Variants in RASSF3 observed in about 807,000 individuals in gnomAD.
The protein encoded by RASSF3 is ras association domain-containing protein 3.
RASSF3 carries 19 observed loss-of-function variants against 19.9 expected under a neutral mutation model. The ratio of observed to expected loss-of-function variants is 0.96; its 90% CI spans 0.67 to 1.40. RASSF3 has a LOEUF of 1.40. RASSF3 is among the 40% of genes most tolerant of loss of function. The probability of loss-of-function intolerance (pLI) is 0.00; values close to 1 mark genes in which losing one functional copy is unlikely to be tolerated. For synonymous variants in RASSF3, 110 were observed against 104.2 expected, an observed-to-expected ratio of 1.06 and a Z score of -0.34; for missense variants, 306 against 289.8, an observed-to-expected ratio of 1.06 and a Z score of -0.41.
intron 1 of RASSF3, among the ~76,000 whole-genome samples, chr12:64,538,837 A>G (rs1352941859): frequency 2.0e-5 from 3 of 152,044 alleles, no homozygotes; most frequent in African/African-American, 4.8e-5. Context: ...TGAAGTCAGG[A>G]GTTTGAGACC....
At chr12:64,665,430 AT>A (rs1872513655) in intron 1 of RASSF3, among the ~76,000 whole-genome samples, 1 of 152,104 alleles carries the variant, frequency 6.6e-6, no homozygotes, top group African/African-American at 2.4e-5. Context: ...TTACTGTTAG[AT>A]TTTTAACTTA....
chr12:64,541,146 T>G, intron 1 of RASSF3, among the ~76,000 whole-genome samples: 1 of 149,392 alleles, frequency 6.7e-6, no homozygotes, highest in Non-Finnish European at 1.5e-5. Context: ...CCACCACATC[T>G]GGCTGATTTT....
upstream of RASSF3, among the ~76,000 whole-genome samples, chr12:64,608,301 G>A (rs1002860004): frequency 6.6e-6 from 1 of 151,968 alleles, no homozygotes; most frequent in African/African-American, 2.4e-5. Flanking sequence ...TCATTTTTAT[G>A]GTGTGGTGCA....
intron 1 of RASSF3, among the ~76,000 whole-genome samples, chr12:64,510,413 G>C (rs1369175935): frequency 6.6e-6 from 1 of 152,068 alleles, no homozygotes; most frequent in Non-Finnish European, 1.5e-5. Flanking sequence ...TGTCTCTTTA[G>C]GATTAAACTC....
At chr12:64,579,798 T>G (rs1869658853) in intron 2 of RASSF3, among the ~76,000 whole-genome samples, 1 of 144,072 alleles carries the variant, frequency 6.9e-6, no homozygotes, top group South Asian at 2.2e-4. Context: ...CAAAACTAGG[T>G]GTTTTTTTGG....
At chr12:64,541,536 A>G (rs1426577705) in intron 1 of RASSF3, 3 of 398,294 alleles carry the variant, frequency 7.5e-6, no homozygotes, top group Non-Finnish European at 1.3e-5. Flanking sequence ...ATGAACAGAG[A>G]ACGACACAGA....
At chr12:64,566,340 C>T (rs1869431184) in intron 2 of RASSF3, among the ~76,000 whole-genome samples, 1 of 152,180 alleles carries the variant, frequency 6.6e-6, no homozygotes, top group East Asian at 1.9e-4. Context: ...TTTAATTTTA[C>T]CATTGAATCC....
rs150465321 is a variant in RASSF3, at chr12:64,567,710, G to A, written c.294+26005G>A. Among the ~76,000 whole-genome samples the A allele has an allele frequency of 2.2e-4, 33 of 152,328 alleles. No individual in the cohort carries two copies. In the South Asian group the frequency reaches 2.7e-3, roughly 12 times the overall value. On this transcript the variant is annotated intron_variant, in intron 2 of 5. Coordinates refer to the RASSF3 transcript ENST00000637125. ...ACACTTTGGAACTGCAACTGCTAAC[G>A]TCCTGTTCCCTGATAAGAGTCTCAC...
At chr12:64,666,378 T>C (rs1037375769) in intron 1 of RASSF3, among the ~76,000 whole-genome samples, 6 of 152,202 alleles carry the variant, frequency 3.9e-5, no homozygotes, top group African/African-American at 1.4e-4. Flanking sequence ...TTTTTTTGTT[T>C]GACCTACTGA....
intron 2 of RASSF3, among the ~76,000 whole-genome samples, chr12:64,685,952 A>G (rs1285216838): frequency 6.6e-6 from 1 of 152,164 alleles, no homozygotes; most frequent in African/African-American, 2.4e-5. Context: ...GAACTGACAG[A>G]GTTTGGTAAA....
intron 1 of RASSF3, among the ~76,000 whole-genome samples, chr12:64,682,765 C>T (rs553904895): frequency 6.6e-6 from 1 of 152,274 alleles, no homozygotes; most frequent in Admixed American, 6.5e-5. Flanking sequence ...AAACCAGTGC[C>T]TGCCTGGAGA....
intron 2 of RASSF3, among the ~76,000 whole-genome samples, chr12:64,556,986 G>A (rs775425504): frequency 5.9e-5 from 9 of 152,012 alleles, no homozygotes; most frequent in South Asian, 2.1e-4. Context: ...ACAGGCGTGC[G>A]CCACCATGCC....
chr12:64,543,461 TCCCCA>T (rs1868987175), downstream of RASSF3, among the ~76,000 whole-genome samples: 1 of 5,150 alleles, frequency 1.9e-4, no homozygotes, highest in Non-Finnish European at 4.8e-4. Context: ...CGCCCCCCGC[TCCCCA>T]CCCGCCTGCC....
At chr12:64,571,387 C>T (rs1869517077) in intron 2 of RASSF3, among the ~76,000 whole-genome samples, 1 of 152,052 alleles carries the variant, frequency 6.6e-6, no homozygotes, top group Admixed American at 6.6e-5. Context: ...CATGAGGCTA[C>T]CTGGCCACAG....
chr12:64,635,647 A>G (rs1345959049), intron 1 of RASSF3, among the ~76,000 whole-genome samples: 1 of 152,214 alleles, frequency 6.6e-6, no homozygotes, highest in African/African-American at 2.4e-5. Flanking sequence ...AATTAGATTA[A>G]CCAACGTTAG....
chr12:64,690,785 A>G (rs974885956), intron 3 of RASSF3, among the ~76,000 whole-genome samples: 10 of 144,618 alleles, frequency 6.9e-5, no homozygotes, highest in African/African-American at 1.3e-4. Context: ...TGCCTGGCCT[A>G]TTTTTATTGT....
chr12:64,558,615 C>T (rs571814975), intron 2 of RASSF3, among the ~76,000 whole-genome samples: 88 of 152,144 alleles, frequency 5.8e-4, no homozygotes, highest in Non-Finnish European at 1.1e-3. Context: ...AATTTAAACC[C>T]TATGTCCAAT....
intron 1 of RASSF3, among the ~76,000 whole-genome samples, chr12:64,508,066 C>A (rs568417669): frequency 2.6e-5 from 4 of 152,302 alleles, no homozygotes; most frequent in African/African-American, 9.6e-5. Context: ...CATCTTGCAA[C>A]TGAATCAAAA....
intron 1 of RASSF3, among the ~76,000 whole-genome samples, chr12:64,618,093 C>CT (rs1046551209): frequency 3.3e-5 from 5 of 152,098 alleles, no homozygotes; most frequent in Non-Finnish European, 7.4e-5. Context: ...TTCCAGGTCT[C>CT]TTTTTTCTTT....
Sources: allele counts gnomAD v4.1 joint callset (sites outside exome capture counted in the v4.1 genomes callset), GRCh38; gene constraint gnomAD v4.1.1; transcripts MANE v1.5; gene names NCBI Gene and HGNC (gene_info 2026-07-23, HGNC 2026-07-21).